The following TMOD1 variants were observed in gnomAD, a reference collection of about 807,000 sequenced individuals.
TMOD1 encodes the protein tropomodulin-1.
A neutral mutation model predicts 40.6 loss-of-function variants in TMOD1; 17 were observed. The ratio of observed to expected loss-of-function variants is 0.42; its 90% confidence interval spans 0.29 to 0.63. The LOEUF (loss-of-function observed/expected upper bound fraction) is 0.63, where lower values mean the gene tolerates loss of function less well. Among genes scored for constraint, TMOD1 ranks in the 20% least tolerant of loss-of-function variants. TMOD1 has a pLI of 0.22. For synonymous variants in TMOD1, 181 were observed against 175.0 expected (o/e 1.03, Z -0.27); for missense variants, 391 against 447.6 (o/e 0.87, Z 1.14).
intron 4 of TMOD1, 31 bp downstream of exon 4, chr9:97,553,431 C>T: frequency 1.2e-6 from 2 of 1,613,510 alleles, no homozygotes; most frequent in South Asian, 2.2e-5. Context: ...TTTCCACATC[C>T]TCCAGAAGGA....
chr9:97,511,027 G>C (rs147342502), intron 1 of TMOD1, among the ~76,000 whole-genome samples: 2 of 151,884 alleles, frequency 1.3e-5, no homozygotes, highest in East Asian at 3.9e-4. Flanking sequence ...CAGACACCAT[G>C]ATGACCCCAA....
At chr9:97,576,766 T>G (rs920440036) in intron 8 of TMOD1, among the ~76,000 whole-genome samples, 8 of 152,050 alleles carry the variant, frequency 5.3e-5, no homozygotes, top group African/African-American at 1.9e-4. Context: ...CCCGAGTAGC[T>G]GGGACTACAG....
intron 2 of TMOD1, among the ~76,000 whole-genome samples, chr9:97,543,093 C>T (rs879526488): frequency 2.0e-5 from 3 of 152,122 alleles, no homozygotes; most frequent in African/African-American, 7.2e-5. Context: ...CAGATAGATT[C>T]GAAAAGAGAT....
chr9:97,518,158 CACCTGTGAATGTG>C (rs982530685), intron 1 of TMOD1, among the ~76,000 whole-genome samples: 5 of 152,318 alleles, frequency 3.3e-5, no homozygotes, highest in African/African-American at 1.2e-4. Flanking sequence ...AAAAAAGCTG[CACCTGTGAATGTG>C]ACCTGTGAAT....
chr9:97,601,282 G>A lies in TMOD1; in HGVS notation c.*1584G>A. The stretch of plus-strand genomic sequence containing the variant: ...GCTGCGTATGTGTTTCTTGGAACCT[G>A]TGTGACAGGGACATGTGCCTGGCAC... On this transcript the variant is annotated 3_prime_UTR_variant, in exon 10 of 10. Coordinates refer to ENST00000259365, the MANE Select transcript of TMOD1 (RefSeq NM_003275.4). The A allele has an allele frequency of 8.4e-7, 1 of 1,193,076 alleles. No individual in the cohort carries two copies. The highest frequency in any genetic ancestry group is 1.1e-6 in the Non-Finnish European group (1 of 934,520). The allele number at this position is 1,193,076 out of a possible 1,614,324, so 73.9% of individuals were successfully genotyped here.
intron 4 of TMOD1, among the ~76,000 whole-genome samples, chr9:97,555,158 G>A (rs1214492394): frequency 6.6e-6 from 1 of 152,200 alleles, no homozygotes; most frequent in East Asian, 1.9e-4. Flanking sequence ...GCTAGGGCAG[G>A]GATTTATTCT....
At chr9:97,534,027 T>C (rs1362238676) in intron 2 of TMOD1, among the ~76,000 whole-genome samples, 2 of 151,702 alleles carry the variant, frequency 1.3e-5, no homozygotes, top group Non-Finnish European at 2.9e-5. Context: ...GAAAAAGGGA[T>C]GGGGAGGGGG....
chr9:97,591,177 C>T (rs1278255638), intron 8 of TMOD1, 114 bp from the exon 9 acceptor site: 26 of 1,149,784 alleles, frequency 2.3e-5, no homozygotes, highest in Non-Finnish European at 3.0e-5. Flanking sequence ...GGAGAGGAGG[C>T]TAAAATCCCC....
At chr9:97,541,815 C>T (rs574067377) in intron 2 of TMOD1, among the ~76,000 whole-genome samples, 1 of 152,094 alleles carries the variant, frequency 6.6e-6, no homozygotes, top group East Asian at 1.9e-4. Context: ...CACGCCTGGC[C>T]CATTTTTAAA....
At chr9:97,575,404 C>T (rs772543976) in intron 8 of TMOD1, among the ~76,000 whole-genome samples, 1 of 152,200 alleles carries the variant, frequency 6.6e-6, no homozygotes, top group South Asian at 2.1e-4. Flanking sequence ...CGAGGGTCCG[C>T]GGCTTCATTC....
At chr9:97,527,658 C>T (rs1400464831) in intron 2 of TMOD1, among the ~76,000 whole-genome samples, 1 of 152,074 alleles carries the variant, frequency 6.6e-6, no homozygotes, top group Non-Finnish European at 1.5e-5. Flanking sequence ...GAAGAGGGGG[C>T]GGCAAGGCCG....
chr9:97,579,309 C>T (rs1381592385), intron 8 of TMOD1, among the ~76,000 whole-genome samples: 1 of 152,160 alleles, frequency 6.6e-6, no homozygotes, highest in Non-Finnish European at 1.5e-5. Flanking sequence ...CTGCACACCT[C>T]GACCGAGAGA....
At chr9:97,511,191 T>G (rs1379388741) in intron 1 of TMOD1, among the ~76,000 whole-genome samples, 1 of 152,114 alleles carries the variant, frequency 6.6e-6, no homozygotes, top group Non-Finnish European at 1.5e-5. Context: ...GGGATGAAGC[T>G]CATAGCAACT....
At chr9:97,519,154 C>A (rs939321887) in intron 1 of TMOD1, among the ~76,000 whole-genome samples, 1 of 152,116 alleles carries the variant, frequency 6.6e-6, no homozygotes, top group Non-Finnish European at 1.5e-5. Context: ...GTGACTGGAC[C>A]GGCTGCCCGT....
chr9:97,601,121 C>T lies in TMOD1; in HGVS notation c.*1423C>T. On this transcript the variant is annotated 3_prime_UTR_variant, in exon 10 of 10. Coordinates refer to ENST00000259365, the MANE Select transcript of TMOD1 (RefSeq NM_003275.4). ...CGCTATGGAAGAGTGTCCACTGAGG[C>T]TGCACATGGCCCAGGAGTGGCACCA... 1 of 1,304,314 alleles carries T rather than the reference C, an allele frequency of 7.7e-7. No individual in the cohort carries two copies. Among genetic ancestry groups the T allele is most frequent in the Non-Finnish European group, 1.0e-6 (1 of 988,958 alleles). The allele number at this position is 1,304,314 out of a possible 1,614,324, so 80.8% of individuals were successfully genotyped here. A position where few individuals can be genotyped will look rare whatever the true frequency, so the allele number is the denominator to read the frequency against.
intron 8 of TMOD1, among the ~76,000 whole-genome samples, chr9:97,580,112 AG>A (rs1178074624): frequency 9.9e-5 from 15 of 152,282 alleles, no homozygotes; most frequent in Non-Finnish European, 2.1e-4. Flanking sequence ...CTGTTGGCTT[AG>A]TGAGGGAATG....
At chr9:97,549,414 A>G (rs1321063404) in intron 3 of TMOD1, among the ~76,000 whole-genome samples, 3 of 152,206 alleles carry the variant, frequency 2.0e-5, no homozygotes, top group Non-Finnish European at 2.9e-5. Flanking sequence ...CACCATCCTC[A>G]CTGGAGGAAC....
intron 3 of TMOD1, among the ~76,000 whole-genome samples, chr9:97,551,863 T>C (rs1027313132): frequency 6.6e-6 from 1 of 152,220 alleles, no homozygotes; most frequent in Non-Finnish European, 1.5e-5. Context: ...TTTCCTTCAG[T>C]AATGTTTTAT....
chr9:97,565,512 G>A (rs1466485784), intron 6 of TMOD1, among the ~76,000 whole-genome samples: 3 of 151,794 alleles, frequency 2.0e-5, no homozygotes, highest in South Asian at 4.2e-4. Flanking sequence ...CGATCATTGG[G>A]ACCAAGGCCA....
Sources: allele counts gnomAD v4.1 joint callset (sites outside exome capture counted in the v4.1 genomes callset), GRCh38; gene constraint gnomAD v4.1.1; transcripts MANE v1.5; gene names NCBI Gene and HGNC (gene_info 2026-07-23, HGNC 2026-07-21).